SBF2: variants seen among roughly 807,000 people sequenced by gnomAD.
SBF2 encodes SET binding factor 2, also known as myotubularin-related protein 13.
Under a neutral mutation model 225.2 loss-of-function variants are expected in SBF2, and 112 were observed. The observed-to-expected ratio is 0.50, with a 90% CI of 0.43 to 0.58. The LOEUF (loss-of-function observed/expected upper bound fraction) is 0.58. Ranked by LOEUF, SBF2 falls within the 20% of genes least tolerant of loss-of-function variation. The probability of loss-of-function intolerance (pLI) is 0.00; values close to 1 mark genes in which losing one functional copy is unlikely to be tolerated. For missense variants in SBF2, 1,996 were observed against 2,206.2 expected (o/e 0.90, Z 1.91); for synonymous variants, 763 against 773.3 (o/e 0.99, Z 0.22).
intron 33 of SBF2, among the ~76,000 whole-genome samples, chr11:9,793,324 T>C (rs1852878664): frequency 1.3e-5 from 2 of 152,184 alleles, no homozygotes; most frequent in Non-Finnish European, 2.9e-5. Flanking sequence ...TCTACGGCTC[T>C]ACCCGTGGGA....
Position 9,902,137 on chromosome 11 carries a change from T to C in SBF2, c.1861-6126A>G, listed in dbSNP as rs145962824. 3.7e-3 allele frequency among the ~76,000 whole-genome samples: 563 copies of C among 152,306 alleles called. 3 individuals carry two copies. The highest frequency in any genetic ancestry group is 5.0e-3 in the South Asian group (24 of 4,828). On this transcript the variant is annotated intron_variant, in intron 16 of 39. Coordinates refer to ENST00000256190, the MANE Select transcript of SBF2 (RefSeq NM_030962.4). ...TTAATGCAGCCAGGCCTTCCCTTTC[T>C]AGGACTTTCTCAGCTGTGGGAGAGA...
chr11:9,856,479 C>T lies in SBF2; in HGVS notation c.2342G>A (p.Ser781Asn). The T allele has an allele frequency of 1.2e-6, 2 of 1,614,076 alleles. No individual in the cohort carries two copies. Among genetic ancestry groups the T allele is most frequent in the Non-Finnish European group, 1.7e-6 (2 of 1,180,032 alleles). The change falls in exon 19 of 40, where the codon AGC becomes AAC. Residue 781 changes from serine to asparagine, a missense_variant. Transcript: ENST00000256190. ...GTACCTGTTTGTGACAATGCTGTTG[C>T]TTCCGCTCTCCCAGTCACCTGGCGC... ...TSAPGDWESG[S>N]NSIVTNSIAG...
chr11:9,864,647 A>C (rs753413410), intron 17 of SBF2, among the ~76,000 whole-genome samples: 9 of 151,732 alleles, frequency 5.9e-5, no homozygotes, highest in Non-Finnish European at 1.2e-4. Context: ...TCGGCCACCC[A>C]AAGTTCTAGG....
chr11:9,910,890 C>A (rs868385812), intron 16 of SBF2, among the ~76,000 whole-genome samples: 381 of 93,352 alleles, frequency 4.1e-3, no homozygotes, highest in Middle Eastern at 0.015. Context: ...TACTAAAATA[C>A]AAAAAAAAAA....
intron 36 of SBF2, among the ~76,000 whole-genome samples, chr11:9,787,056 C>T (rs969927525): frequency 6.6e-6 from 1 of 152,114 alleles, no homozygotes; most frequent in African/African-American, 2.4e-5. Flanking sequence ...CCACCACACC[C>T]AGCTAATTTT....
chr11:10,157,398 A>G (rs1387979968), intron 2 of SBF2, among the ~76,000 whole-genome samples: 1 of 152,248 alleles, frequency 6.6e-6, no homozygotes, highest in Admixed American at 6.5e-5. Flanking sequence ...CAATTGCAAC[A>G]AAAGCAAAAA....
At chr11:10,079,486 G>C (rs1458792495) in intron 2 of SBF2, among the ~76,000 whole-genome samples, 4 of 152,072 alleles carry the variant, frequency 2.6e-5, no homozygotes, top group African/African-American at 9.7e-5. Flanking sequence ...TAGACCAAAT[G>C]GAAGAAAGAA....
intron 2 of SBF2, among the ~76,000 whole-genome samples, chr11:10,050,813 T>C (rs1354849759): frequency 1.1e-4 from 17 of 152,160 alleles, no homozygotes; most frequent in Non-Finnish European, 2.9e-5. Flanking sequence ...GGTGGGATGG[T>C]GTGAGATTTC....
intron 17 of SBF2, among the ~76,000 whole-genome samples, chr11:9,880,634 T>A (rs541307823): frequency 3.9e-4 from 60 of 152,334 alleles, no homozygotes; most frequent in African/African-American, 1.3e-3. Flanking sequence ...TCTTCTACAC[T>A]GCTCTAGTTT....
intron 2 of SBF2, among the ~76,000 whole-genome samples, chr11:10,166,983 A>C (rs1955986139): frequency 6.6e-6 from 1 of 151,756 alleles, no homozygotes; most frequent in Non-Finnish European, 1.5e-5. Context: ...ACACACACAC[A>C]CACACAAAAA....
At chr11:10,160,116 G>A (rs985477529) in intron 2 of SBF2, among the ~76,000 whole-genome samples, 1 of 151,984 alleles carries the variant, frequency 6.6e-6, no homozygotes, top group Admixed American at 6.6e-5. Flanking sequence ...AAAAGAAGAA[G>A]TAAAAAATAT....
chr11:9,859,072 C>T (rs527349989), intron 17 of SBF2, among the ~76,000 whole-genome samples: 31 of 152,040 alleles, frequency 2.0e-4, no homozygotes, highest in Admixed American at 7.2e-4. Context: ...TGGGTTTCAG[C>T]GTAAGAGTAA....
chr11:10,260,491 C>T (rs1961318635), intron 1 of SBF2, among the ~76,000 whole-genome samples: 1 of 151,886 alleles, frequency 6.6e-6, no homozygotes, highest in Non-Finnish European at 1.5e-5. Flanking sequence ...CCAAGGCGGG[C>T]AGATCACGAG....
At chr11:10,019,032 T>A (rs1948749086) in intron 6 of SBF2, among the ~76,000 whole-genome samples, 1 of 152,192 alleles carries the variant, frequency 6.6e-6, no homozygotes, top group South Asian at 2.1e-4. Context: ...GTGCTAATTA[T>A]ATTCTACTAT....
intron 16 of SBF2, among the ~76,000 whole-genome samples, chr11:9,936,226 A>C (rs1348335775): frequency 1.3e-5 from 2 of 152,254 alleles, no homozygotes; most frequent in African/African-American, 2.4e-5. Flanking sequence ...TGGTCATCAG[A>C]GAAACGCAAA....
chr11:9,787,817 TAGGCCC>T, intron 35 of SBF2, 79 bp from the exon 36 acceptor site: 1 of 1,200,256 alleles, frequency 8.3e-7, no homozygotes. Context: ...GCTTCTGTAC[TAGGCCC>T]AGATGAGCAG....
chr11:10,206,156 G>A (rs546031350), intron 1 of SBF2, among the ~76,000 whole-genome samples: 1 of 151,372 alleles, frequency 6.6e-6, no homozygotes, highest in Admixed American at 6.6e-5. Context: ...TAGCCTGAGA[G>A]TCCCCTCCCC....
intron 2 of SBF2, among the ~76,000 whole-genome samples, chr11:10,060,260 AC>A (rs767496823): frequency 5.3e-5 from 8 of 152,214 alleles, no homozygotes; most frequent in Non-Finnish European, 1.0e-4. Context: ...CCCTCCGCAC[AC>A]AAAAACTAGA....
chr11:9,924,139 C>T (rs1863844203), intron 16 of SBF2, among the ~76,000 whole-genome samples: 1 of 152,058 alleles, frequency 6.6e-6, no homozygotes, highest in Admixed American at 6.6e-5. Context: ...ACAGATGGTC[C>T]TAGACTTATG....
Sources: allele counts gnomAD v4.1 joint callset (sites outside exome capture counted in the v4.1 genomes callset), GRCh38; gene constraint gnomAD v4.1.1; transcripts MANE v1.5; gene names NCBI Gene and HGNC (gene_info 2026-07-23, HGNC 2026-07-21).